The following PKIB variants were observed in gnomAD, a reference collection of about 807,000 sequenced individuals.
The protein encoded by PKIB is cAMP-dependent protein kinase inhibitor beta.
In PKIB, 2 loss-of-function variants were observed where a neutral mutation model predicts 4.5. The observed-to-expected ratio is 0.44, with a 90% CI of 0.18 to 1.39. The LOEUF (loss-of-function observed/expected upper bound fraction) is 1.39. Ranked by LOEUF, PKIB falls within the 40% of genes most tolerant of loss-of-function variation. PKIB has a pLI of 0.27. For missense variants in PKIB, 94 were observed against 92.6 expected, an observed-to-expected ratio of 1.02 and a Z score of -0.06; for synonymous variants, 38 against 36.0, an observed-to-expected ratio of 1.06 and a Z score of -0.20.
chr6:122,662,308 C>CTTTTTTTTCTTTTTT (rs1777031435), intron 2 of PKIB, among the ~76,000 whole-genome samples: 1 of 13,252 alleles, frequency 7.5e-5, no homozygotes. Context: ...TCCTTGTCTC[C>CTTTTTTTTCTTTTTT]TTTTTTTTTT....
intron 2 of PKIB, among the ~76,000 whole-genome samples, chr6:122,634,868 G>T (rs1775852102): frequency 2.6e-5 from 4 of 150,960 alleles, no homozygotes; most frequent in Admixed American, 2.6e-4. Context: ...TGTGAACCCG[G>T]GAGGCGGAGC....
chr6:122,674,672 G>A (rs1777601188), intron 2 of PKIB, among the ~76,000 whole-genome samples: 1 of 152,114 alleles, frequency 6.6e-6, no homozygotes, highest in Non-Finnish European at 1.5e-5. Context: ...TATTCTCAAA[G>A]TCTGGTGTGT....
chr6:122,491,018 TA>T (rs1234891194), intron 2 of PKIB, among the ~76,000 whole-genome samples: 2 of 152,068 alleles, frequency 1.3e-5, no homozygotes, highest in East Asian at 3.9e-4. Flanking sequence ...TTGAGGGGCA[TA>T]AAGGAGAAGA....
At chr6:122,590,406 C>T (rs1039741852) in intron 3 of PKIB, among the ~76,000 whole-genome samples, 1 of 152,080 alleles carries the variant, frequency 6.6e-6, no homozygotes, top group African/African-American at 2.4e-5. Context: ...CTATCTGTAC[C>T]TCAGTTTACT....
upstream of PKIB, among the ~76,000 whole-genome samples, chr6:122,609,472 C>T (rs954721697): frequency 1.3e-4 from 20 of 151,686 alleles, no homozygotes; most frequent in Non-Finnish European, 2.2e-4. Context: ...ATTATATTTT[C>T]GTATTTCCAT....
chr6:122,628,371 G>T (rs1448068266), intron 1 of PKIB, among the ~76,000 whole-genome samples: 3 of 152,122 alleles, frequency 2.0e-5, no homozygotes, highest in African/African-American at 7.2e-5. Flanking sequence ...TGAAACATTT[G>T]CCATGTCTTA....
At chr6:122,679,688 CAGG>C (rs1757883601) in intron 3 of PKIB, among the ~76,000 whole-genome samples, 1 of 152,150 alleles carries the variant, frequency 6.6e-6, no homozygotes, top group Non-Finnish European at 1.5e-5. Flanking sequence ...CAGGAAAATC[CAGG>C]AGGAGGAACA....
At chr6:122,681,583 A>G (rs1462203768) in intron 3 of PKIB, among the ~76,000 whole-genome samples, 1 of 152,210 alleles carries the variant, frequency 6.6e-6, no homozygotes, top group Admixed American at 6.5e-5. Context: ...CAGAGGGGTA[A>G]TTACCTAATT....
At chr6:122,575,816 C>G (rs1212048589) in intron 2 of PKIB, among the ~76,000 whole-genome samples, 1 of 152,130 alleles carries the variant, frequency 6.6e-6, no homozygotes, top group East Asian at 1.9e-4. Context: ...ATGTGTACTG[C>G]TTGGGTGACA....
chr6:122,604,834 T>G (rs750840776), intron 3 of PKIB, among the ~76,000 whole-genome samples: 2 of 152,328 alleles, frequency 1.3e-5, no homozygotes, highest in Non-Finnish European at 2.9e-5. Context: ...AATGCCCTAT[T>G]GATCAGGAGT....
At chr6:122,540,675 G>C (rs1410213598) in intron 2 of PKIB, among the ~76,000 whole-genome samples, 2 of 152,026 alleles carry the variant, frequency 1.3e-5, no homozygotes, top group Non-Finnish European at 2.9e-5. Context: ...GGGGTGGAGA[G>C]CTCTGTAGAT....
intron 2 of PKIB, among the ~76,000 whole-genome samples, chr6:122,553,455 A>G (rs1434718038): frequency 7.6e-6 from 1 of 132,262 alleles, no homozygotes; most frequent in Non-Finnish European, 1.6e-5. Flanking sequence ...TGTTGCACTC[A>G]TCTCTCAAGA....
At chr6:122,502,892 AGCTTAGGCT>A (rs1205096845) in intron 2 of PKIB, among the ~76,000 whole-genome samples, 1 of 152,178 alleles carries the variant, frequency 6.6e-6, no homozygotes, top group East Asian at 1.9e-4. Context: ...TGTCTTAGTT[AGCTTAGGCT>A]GCTATAACTA....
intron 2 of PKIB, chr6:122,480,623 C>T (rs987496125): frequency 6.6e-6 from 1 of 152,034 alleles, no homozygotes; most frequent in African/African-American, 2.4e-5. Flanking sequence ...ATTTATATGC[C>T]TACAGTATTT....
intron 1 of PKIB, among the ~76,000 whole-genome samples, chr6:122,473,356 T>G (rs1775360895): frequency 6.6e-6 from 1 of 152,200 alleles, no homozygotes; most frequent in African/African-American, 2.4e-5. Flanking sequence ...TCTTGTCTCT[T>G]GCTCCATTTA....
intron 3 of PKIB, among the ~76,000 whole-genome samples, chr6:122,592,939 A>G (rs187154398): frequency 5.3e-5 from 8 of 152,338 alleles, no homozygotes; most frequent in South Asian, 2.1e-4. Flanking sequence ...CTCAGGTAAC[A>G]ATAATGTACA....
At chr6:122,542,791 GT>G (rs1777647600) in intron 2 of PKIB, among the ~76,000 whole-genome samples, 1 of 152,096 alleles carries the variant, frequency 6.6e-6, no homozygotes, top group Non-Finnish European at 1.5e-5. Context: ...CTGTCTTTTT[GT>G]TTGTCTGTGC....
intron 2 of PKIB, among the ~76,000 whole-genome samples, chr6:122,647,596 C>G (rs1404804729): frequency 6.6e-6 from 1 of 152,240 alleles, no homozygotes; most frequent in Non-Finnish European, 1.5e-5. Context: ...ATGTCATTCA[C>G]TGTTCTCCTT....
chr6:122,582,950 C>G (rs537987234), intron 2 of PKIB, among the ~76,000 whole-genome samples: 1 of 152,000 alleles, frequency 6.6e-6, no homozygotes, highest in East Asian at 1.9e-4. Flanking sequence ...ATCATATTTT[C>G]CTGTTTTCAT....
Sources: allele counts gnomAD v4.1 joint callset (sites outside exome capture counted in the v4.1 genomes callset), GRCh38; gene constraint gnomAD v4.1.1; transcripts MANE v1.5; gene names NCBI Gene and HGNC (gene_info 2026-07-23, HGNC 2026-07-21).